Variants in P4HB observed in about 807,000 individuals in gnomAD.
P4HB encodes protein disulfide-isomerase.
Under a neutral mutation model 52.6 loss-of-function variants are expected in P4HB, and 20 were observed. The ratio of observed to expected loss-of-function variants is 0.38; its 90% CI spans 0.27 to 0.55. The LOEUF (loss-of-function observed/expected upper bound fraction) is 0.55. P4HB is among the 20% of genes least tolerant of loss of function. P4HB has a pLI of 0.74. For missense variants in P4HB, 601 were observed against 669.2 expected (o/e 0.90, Z 1.12); for synonymous variants, 296 against 277.9 (o/e 1.07, Z -0.65).
intron 10 of P4HB, among the ~76,000 whole-genome samples, chr17:81,844,543 C>CA (rs1220221754): frequency 6.6e-6 from 1 of 152,154 alleles, no homozygotes; most frequent in Non-Finnish European, 1.5e-5. Context: ...CAGGCAGCAC[C>CA]AGGGGCCGGC....
At chr17:81,851,669 C>A (rs1261331951) in intron 4 of P4HB, among the ~76,000 whole-genome samples, 1 of 152,226 alleles carries the variant, frequency 6.6e-6, no homozygotes, top group Non-Finnish European at 1.5e-5. Context: ...AGAACAATGT[C>A]TCTGACTCCC....
chr17:81,844,384 ATG>A (rs976935829), intron 10 of P4HB, among the ~76,000 whole-genome samples: 8 of 152,284 alleles, frequency 5.3e-5, no homozygotes, highest in Admixed American at 3.3e-4. Flanking sequence ...TGGAAGGCGT[ATG>A]TGTGTCTCCC....
intron 4 of P4HB, 96 bp from the exon 5 acceptor site, chr17:81,847,443 C>T (rs2038754729): frequency 3.0e-6 from 3 of 985,496 alleles, no homozygotes; most frequent in Admixed American, 3.5e-5. Context: ...CAGCAGCCAG[C>T]AGCCCTGCCC....
intron 2 of P4HB, among the ~76,000 whole-genome samples, chr17:81,856,334 CTTTT>C (rs531626630): frequency 6.1e-5 from 8 of 130,872 alleles, no homozygotes; most frequent in South Asian, 4.9e-4. Context: ...ACCCAACTAA[CTTTT>C]TTTTTTTTTT....
rs1196219309 is a variant in P4HB at position 81,855,609 on chromosome 17, T to C, written c.353-23A>G. 6.2e-7 allele frequency: 1 copy of C among 1,606,854 alleles called. No individual in the cohort carries two copies. The highest frequency in any genetic ancestry group is 8.5e-7 in the Non-Finnish European group (1 of 1,175,766). On this transcript the variant is annotated intron_variant, in intron 2 of 10. Coordinates refer to ENST00000331483, the MANE Select transcript of P4HB (RefSeq NM_000918.4). The surrounding 1 kb of genome is among the most constrained non-coding windows in gnomAD (Gnocchi z 4.3). Reference sequence around the variant, plus strand: ...CAGCTAACCCCAAACAAATGTAGGTTCTACTCTCAAACAGGGAGTGCCGCC... The same window carrying C: ...CAGCTAACCCCAAACAAATGTAGGTCCTACTCTCAAACAGGGAGTGCCGCC...
Position 81,843,185 on chromosome 17 carries a change from G to T in P4HB, c.*827C>A. ...AGGTGGTAAAATTTCAACTTTATTT[G>T]GCCAATGTGTTCAATTCGATTGTGA... On this transcript the variant is annotated 3_prime_UTR_variant, in exon 11 of 11. Coordinates refer to ENST00000331483, the MANE Select transcript of P4HB (RefSeq NM_000918.4). The T allele has an allele frequency of 3.8e-6, 1 of 260,016 alleles. No homozygotes were observed. 16.1% of individuals were successfully genotyped at this position (260,016 alleles called of 1,614,324 possible).
At chr17:81,849,533 G>T (rs1053771099) in intron 4 of P4HB, among the ~76,000 whole-genome samples, 10 of 152,080 alleles carry the variant, frequency 6.6e-5, no homozygotes, top group Non-Finnish European at 1.3e-4. Flanking sequence ...AGAAAAAAAC[G>T]ATTTTTTACA....
Position 81,847,365 on chromosome 17 carries a change from G to A in P4HB, c.625-18C>T. On this transcript the variant is annotated intron_variant, in intron 4 of 10. Coordinates refer to ENST00000331483, the MANE Select transcript of P4HB (RefSeq NM_000918.4). Reference sequence around the variant, plus strand: ...TCATCAAACTGTGGACAGAAAGAGGGCCCTGACTGAGCATTGCTGCTGGGA... The same window carrying A: ...TCATCAAACTGTGGACAGAAAGAGGACCCTGACTGAGCATTGCTGCTGGGA... The A allele has an allele frequency of 6.3e-7, 1 of 1,596,756 alleles. No individual in the cohort carries two copies.
chr17:81,858,004 C>T (rs768463629), intron 2 of P4HB, among the ~76,000 whole-genome samples: 15 of 152,050 alleles, frequency 9.9e-5, no homozygotes, highest in Admixed American at 2.0e-4. Flanking sequence ...AAAATGAGAA[C>T]ATCAATCACG....
intron 4 of P4HB, chr17:81,847,565 T>C: frequency 1.7e-6 from 1 of 587,026 alleles, no homozygotes; most frequent in South Asian, 2.0e-5. Flanking sequence ...ATTCAACAGC[T>C]GGCTTCACAT....
At chr17:81,858,335 A>G (rs1173313756) in intron 2 of P4HB, among the ~76,000 whole-genome samples, 1 of 151,942 alleles carries the variant, frequency 6.6e-6, no homozygotes, top group Non-Finnish European at 1.5e-5. Context: ...CTGCCACTAG[A>G]ACAGGACAGG....
intron 4 of P4HB, among the ~76,000 whole-genome samples, chr17:81,851,173 G>A (rs1028779623): frequency 2.0e-5 from 3 of 151,974 alleles, no homozygotes; most frequent in South Asian, 2.1e-4. Flanking sequence ...CTCGTGACCC[G>A]CCCACCTCAG....
In P4HB at chr17:81,855,291, G is replaced by A. The variant is rs201175774; in HGVS notation, c.487-12C>T. The A allele has an allele frequency of 1.1e-5, 18 of 1,613,732 alleles. No individual in the cohort carries two copies. Among genetic ancestry groups the A allele is most frequent in the African/African-American group, 5.3e-5 (4 of 75,016 alleles). On this transcript the variant is annotated splice_polypyrimidine_tract_variant and intron_variant, in intron 3 of 10. Transcript: ENST00000331483. The surrounding 1 kb of genome is among the most constrained non-coding windows in gnomAD (Gnocchi z 4.3). ...TCCGACTCCACGTCCTGAATGAGGA[G>A]GGAGAAGCAGAGGTCGTCATGATCC... is the stretch of plus-strand genomic sequence containing the variant.
intron 4 of P4HB, among the ~76,000 whole-genome samples, chr17:81,851,959 G>T (rs1210544252): frequency 6.6e-6 from 1 of 152,234 alleles, no homozygotes; most frequent in East Asian, 1.9e-4. Flanking sequence ...GAGGCAGGAG[G>T]ATTGCTTGAG....
At chr17:81,854,122 A>C (rs2038877429) in intron 4 of P4HB, among the ~76,000 whole-genome samples, 1 of 152,228 alleles carries the variant, frequency 6.6e-6, no homozygotes, top group African/African-American at 2.4e-5. Flanking sequence ...GGGCATACGA[A>C]GTGTGGGTGC....
chr17:81,860,533 A>G lies in P4HB; in HGVS notation c.-62T>C, dbSNP rs2143376953. The stretch of plus-strand genomic sequence containing the variant: ...CCGCCGGGACAGCGGGGGCGACGAG[A>G]GCGCGCGCCGGTCCCGGCCTCGCCT... On this transcript the variant is annotated 5_prime_UTR_variant, in exon 1 of 11. Transcript: ENST00000331483. The G allele has an allele frequency of 8.2e-7, 1 of 1,225,332 alleles. No homozygotes were observed. Among genetic ancestry groups the G allele is most frequent in the Non-Finnish European group, 1.0e-6 (1 of 981,944 alleles). The allele number at this position is 1,225,332 out of a possible 1,614,324, so 75.9% of individuals were successfully genotyped here.
chr17:81,845,256 G>C, intron 9 of P4HB, 26 bp from the exon 10 acceptor site: 1 of 1,576,356 alleles, frequency 6.3e-7, no homozygotes, highest in Non-Finnish European at 8.7e-7. Context: ...ATGAGTGCAG[G>C]GGCTGGTCCC....
chr17:81,859,339 T>A lies in P4HB; in HGVS notation c.194A>T (p.Lys65Ile), dbSNP rs753095561. Residue 65 changes from lysine (K) to isoleucine (I), a missense_variant, in exon 2 of 11, where the codon AAA becomes ATA. Transcript: ENST00000331483. ...TTCTGCCTTCAGCTTCCCAGCGGCT[T>A]TGGCATACTCAGGGGCCAGAGCCTT... ...HCKALAPEYA[K>I]AAGKLKAEGS... 2 of 1,613,908 alleles carry A rather than the reference T, an allele frequency of 1.2e-6. No individual in the cohort carries two copies. The highest frequency in any genetic ancestry group is 1.7e-6 in the Non-Finnish European group (2 of 1,180,014).
chr17:81,855,230 A>G lies in P4HB; in HGVS notation c.536T>C (p.Ile179Thr), dbSNP rs2038894472. 3 of 1,613,982 alleles carry G rather than the reference A, an allele frequency of 1.9e-6. No homozygotes were observed. In the East Asian group the frequency reaches 6.7e-5, roughly 36 times the overall value. Residue 179 changes from isoleucine to threonine, a missense_variant, in exon 4 of 11, where the codon ATC (isoleucine) becomes ACC (threonine). Coordinates refer to ENST00000331483, the MANE Select transcript of P4HB (RefSeq NM_000918.4). The surrounding 1 kb of genome is among the most constrained non-coding windows in gnomAD (Gnocchi z 4.3). ...AGTGATCCCAAATGGTATGTCATCG[A>G]TGGCCTCTGCTGCCTGCAAAAACTG... ...AKQFLQAAEA[I>T]DDIPFGITSN...
Sources: allele counts gnomAD v4.1 joint callset (sites outside exome capture counted in the v4.1 genomes callset), GRCh38; gene constraint gnomAD v4.1.1; non-coding constraint Gnocchi (gnomAD v3.1); transcripts MANE v1.5; gene names NCBI Gene and HGNC (gene_info 2026-07-23, HGNC 2026-07-21).